The following DLGAP2 variants were observed in gnomAD, a reference collection of about 807,000 sequenced individuals.
DLGAP2 encodes the protein DLG associated protein 2.
DLGAP2 carries 26 observed loss-of-function variants against 100.3 expected under a neutral mutation model. That is an observed-to-expected ratio of 0.26 (90% CI 0.19 to 0.36). The LOEUF is 0.36. DLGAP2 is among the 10% of genes least tolerant of loss of function. DLGAP2 has a pLI of 1.00. For synonymous variants in DLGAP2, 886 were observed against 630.1 expected (o/e 1.41, Z -6.08); for missense variants, 1,858 against 1,453.2 (o/e 1.28, Z -4.53).
chr8:1,165,057 C>A (rs902959073), intron 2 of DLGAP2, among the ~76,000 whole-genome samples: 3 of 151,920 alleles, frequency 2.0e-5, no homozygotes, highest in Non-Finnish European at 4.4e-5. Context: ...GCTAAAGATT[C>A]TCCTCCCTCT....
intron 8 of DLGAP2, among the ~76,000 whole-genome samples, chr8:1,657,179 C>T (rs997489057): frequency 6.6e-6 from 1 of 152,172 alleles, no homozygotes; most frequent in Admixed American, 6.5e-5. Flanking sequence ...TTTCAAAATA[C>T]ATATTTGATC....
chr8:760,243 C>G (rs567206890), intron 1 of DLGAP2, among the ~76,000 whole-genome samples: 1 of 152,262 alleles, frequency 6.6e-6, no homozygotes, highest in South Asian at 2.1e-4. Flanking sequence ...CGCCTCCTGT[C>G]TCCTCCCTTG....
rs33945325 is a variant in DLGAP2, at chr8:770,873, CTT to C, written c.18+33059_18+33060del. On this transcript the variant is annotated intron_variant, in intron 1 of 14. Coordinates refer to ENST00000637795, the MANE Select transcript of DLGAP2 (RefSeq NM_001346810.2). Reference sequence around the variant, plus strand: ...TAATTTTGGTTTAGAAATTATGCCTCTTTTTTTTTTTTAAAGTAGAAGGACTC... The same window carrying C: ...TAATTTTGGTTTAGAAATTATGCCTCTTTTTTTTTTAAAGTAGAAGGACTC... Among the ~76,000 whole-genome samples the C allele has an allele frequency of 9.5e-5, 14 of 147,910 alleles. No individual in the cohort carries two copies. In the East Asian group the frequency reaches 1.2e-3, roughly 13 times the overall value.
intron 1 of DLGAP2, among the ~76,000 whole-genome samples, chr8:779,401 C>G (rs1354403645): frequency 6.6e-6 from 1 of 152,030 alleles, no homozygotes; most frequent in East Asian, 1.9e-4. Context: ...TGCACCTACA[C>G]TGGGGGCTCA....
intron 2 of DLGAP2, among the ~76,000 whole-genome samples, chr8:1,149,300 C>T (rs140974322): frequency 6.4e-4 from 98 of 152,232 alleles, no homozygotes; most frequent in African/African-American, 2.0e-3. Flanking sequence ...CACCCGCCAC[C>T]GCACCCGGCT....
At chr8:969,536 C>T (rs1252727897) in intron 2 of DLGAP2, among the ~76,000 whole-genome samples, 1 of 141,290 alleles carries the variant, frequency 7.1e-6, no homozygotes, top group Non-Finnish European at 1.6e-5. Context: ...TCTTGTGTGC[C>T]AGTTAGAAAA....
At chr8:1,524,990 G>A (rs1206959409) in intron 4 of DLGAP2, among the ~76,000 whole-genome samples, 1 of 152,058 alleles carries the variant, frequency 6.6e-6, no homozygotes, top group Admixed American at 6.5e-5. Context: ...GTCCTTTTGT[G>A]GATGGCGGAG....
intron 3 of DLGAP2, among the ~76,000 whole-genome samples, chr8:1,275,728 A>G (rs1799669613): frequency 7.4e-6 from 1 of 135,120 alleles, no homozygotes; most frequent in South Asian, 2.2e-4. Context: ...ATATATATAT[A>G]AAATATATGT....
chr8:1,508,003 G>T (rs1799993721), intron 4 of DLGAP2, among the ~76,000 whole-genome samples: 1 of 151,958 alleles, frequency 6.6e-6, no homozygotes, highest in Admixed American at 6.5e-5. Context: ...CACAGGAAAG[G>T]GGCCCTGAGG....
intron 8 of DLGAP2, among the ~76,000 whole-genome samples, chr8:1,645,459 G>C (rs768191536): frequency 6.6e-6 from 1 of 152,242 alleles, no homozygotes; most frequent in Non-Finnish European, 1.5e-5. Flanking sequence ...TGTATTAAAC[G>C]TGTTTCCCAC....
chr8:942,431 C>G (rs1032858216), intron 2 of DLGAP2, among the ~76,000 whole-genome samples: 1 of 152,238 alleles, frequency 6.6e-6, no homozygotes, highest in African/African-American at 2.4e-5. Context: ...AAACCAGAGT[C>G]CCCACCTGGG....
intron 3 of DLGAP2, among the ~76,000 whole-genome samples, chr8:1,350,816 T>C (rs868441744): frequency 9.9e-5 from 4 of 40,502 alleles, no homozygotes; most frequent in Non-Finnish European, 9.6e-5. Context: ...GGAAAGGCCA[T>C]GCGGGTCCTG....
chr8:832,948 C>T (rs963439019), intron 1 of DLGAP2, among the ~76,000 whole-genome samples: 9 of 152,156 alleles, frequency 5.9e-5, no homozygotes, highest in Admixed American at 1.3e-4. Context: ...CAGGGCCCCT[C>T]GTTTCTCTCA....
chr8:1,665,245 C>G (rs1191565607), intron 8 of DLGAP2, among the ~76,000 whole-genome samples: 1 of 152,032 alleles, frequency 6.6e-6, no homozygotes, highest in African/African-American at 2.4e-5. Flanking sequence ...CTTAAATACA[C>G]TTAGTGAGGT....
chr8:828,191 G>T (rs1401709821), intron 1 of DLGAP2, among the ~76,000 whole-genome samples: 2 of 152,258 alleles, frequency 1.3e-5, no homozygotes, highest in South Asian at 2.1e-4. Flanking sequence ...CAGGAGACAG[G>T]GTTTTGAGAT....
chr8:882,357 TC>T (rs1266348084), intron 1 of DLGAP2, among the ~76,000 whole-genome samples: 1 of 149,068 alleles, frequency 6.7e-6, no homozygotes, highest in African/African-American at 2.5e-5. Flanking sequence ...TGCGGAGGCC[TC>T]CCCTGCGCGC....
At chr8:1,674,577 G>A (rs1401046099) in intron 10 of DLGAP2, among the ~76,000 whole-genome samples, 1 of 152,184 alleles carries the variant, frequency 6.6e-6, no homozygotes, top group Non-Finnish European at 1.5e-5. Flanking sequence ...ATAAAAACGA[G>A]TGTTCCTTTT....
At chr8:1,225,537 C>G (rs1242652257) in intron 2 of DLGAP2, among the ~76,000 whole-genome samples, 1 of 152,164 alleles carries the variant, frequency 6.6e-6, no homozygotes, top group Non-Finnish European at 1.5e-5. Context: ...GTATTAAATG[C>G]CACTACATGG....
chr8:1,054,878 A>G (rs1208580701), intron 2 of DLGAP2, among the ~76,000 whole-genome samples: 1 of 152,224 alleles, frequency 6.6e-6, no homozygotes, highest in African/African-American at 2.4e-5. Context: ...GTTTTCATTA[A>G]TGCTTTGTGT....
Sources: allele counts gnomAD v4.1 joint callset (sites outside exome capture counted in the v4.1 genomes callset), GRCh38; gene constraint gnomAD v4.1.1; transcripts MANE v1.5; gene names NCBI Gene and HGNC (gene_info 2026-07-23, HGNC 2026-07-21).